CAMKMT: variants seen among roughly 807,000 people sequenced by gnomAD.
CAMKMT encodes calmodulin-lysine N-methyltransferase, also known as CaM KMT.
In CAMKMT, 53 loss-of-function variants were observed where a neutral mutation model predicts 48.0. The ratio of observed to expected loss-of-function variants is 1.10; its 90% CI spans 0.89 to 1.39. The LOEUF is 1.39. CAMKMT is among the 40% of genes most tolerant of loss of function. CAMKMT has a pLI of 0.00. For synonymous variants in CAMKMT, 165 were observed against 152.3 expected (o/e 1.08, Z -0.61); for missense variants, 428 against 402.7 (o/e 1.06, Z -0.54).
chr2:44,640,066 T>G (rs1673365333), intron 3 of CAMKMT, among the ~76,000 whole-genome samples: 1 of 152,150 alleles, frequency 6.6e-6, no homozygotes, highest in African/African-American at 2.4e-5. Context: ...TGTGGAACAC[T>G]TATCCTTGCA....
chr2:44,540,658 G>T (rs1667049268), intron 3 of CAMKMT, among the ~76,000 whole-genome samples: 1 of 152,100 alleles, frequency 6.6e-6, no homozygotes, highest in African/African-American at 2.4e-5. Flanking sequence ...GGCTGAGGTG[G>T]GAGGAACGCT....
At chr2:44,493,514 G>C (rs1309464195) in intron 3 of CAMKMT, among the ~76,000 whole-genome samples, 4 of 151,982 alleles carry the variant, frequency 2.6e-5, no homozygotes, top group African/African-American at 4.8e-5. Flanking sequence ...AACTATTGAT[G>C]GTTTAAAAAA....
intron 3 of CAMKMT, among the ~76,000 whole-genome samples, chr2:44,617,186 C>T (rs1251185501): frequency 6.6e-6 from 1 of 152,222 alleles, no homozygotes; most frequent in African/African-American, 2.4e-5. Context: ...AATTCATCTG[C>T]TATGTGGTGA....
intron 3 of CAMKMT, among the ~76,000 whole-genome samples, chr2:44,440,012 A>G (rs962602937): frequency 6.6e-6 from 1 of 152,198 alleles, no homozygotes; most frequent in African/African-American, 2.4e-5. Flanking sequence ...ATCTTTTCTG[A>G]CAGTGCCTCC....
intron 3 of CAMKMT, among the ~76,000 whole-genome samples, chr2:44,405,745 C>T (rs1350838135): frequency 1.3e-5 from 2 of 151,956 alleles, no homozygotes; most frequent in Admixed American, 6.6e-5. Context: ...AAGTGATATG[C>T]ATAAGAAACT....
chr2:44,545,529 C>G (rs150912217), intron 3 of CAMKMT, among the ~76,000 whole-genome samples: 173 of 152,088 alleles, frequency 1.1e-3, no homozygotes, highest in African/African-American at 3.9e-3. Flanking sequence ...AGTACACATG[C>G]AGTTTTTGTT....
intron 3 of CAMKMT, among the ~76,000 whole-genome samples, chr2:44,507,239 G>A (rs1386990727): frequency 6.6e-6 from 1 of 152,152 alleles, no homozygotes; most frequent in African/African-American, 2.4e-5. Flanking sequence ...CCTTGCTTCA[G>A]TAAATTCTTT....
At chr2:44,572,903 A>G (rs774964496) in intron 3 of CAMKMT, among the ~76,000 whole-genome samples, 1 of 152,212 alleles carries the variant, frequency 6.6e-6, no homozygotes, top group Admixed American at 6.5e-5. Flanking sequence ...TCCCACCAGC[A>G]GAGCACAAGG....
At chr2:44,372,685 CA>C in intron 1 of CAMKMT, 30 bp from the exon 2 acceptor site, 1 of 1,595,840 alleles carries the variant, frequency 6.3e-7, no homozygotes, top group African/African-American at 1.4e-5. Context: ...GTTTAGATAA[CA>C]TGACTGCAAT....
At chr2:44,446,789 C>T (rs2104579155) in intron 3 of CAMKMT, among the ~76,000 whole-genome samples, 1 of 152,338 alleles carries the variant, frequency 6.6e-6, no homozygotes, top group Non-Finnish European at 1.5e-5. Flanking sequence ...GCATTGAGGC[C>T]TTTCATCATC....
intron 3 of CAMKMT, among the ~76,000 whole-genome samples, chr2:44,601,172 G>T (rs1446267862): frequency 6.6e-6 from 1 of 152,002 alleles, no homozygotes; most frequent in African/African-American, 2.4e-5. Flanking sequence ...TACTCTTTTA[G>T]AAAAAGTCAT....
intron 3 of CAMKMT, among the ~76,000 whole-genome samples, chr2:44,533,383 T>A (rs1249143492): frequency 6.6e-6 from 1 of 151,562 alleles, no homozygotes; most frequent in African/African-American, 2.4e-5. Context: ...GGATTACAGG[T>A]GCCCACCACC....
chr2:44,646,342 T>C (rs764796661), intron 3 of CAMKMT, among the ~76,000 whole-genome samples: 15 of 151,802 alleles, frequency 9.9e-5, no homozygotes, highest in Non-Finnish European at 1.8e-4. Context: ...TCAAAAACAA[T>C]ATTGAATTCT....
intron 3 of CAMKMT, among the ~76,000 whole-genome samples, chr2:44,611,044 T>G (rs973051383): frequency 5.3e-5 from 8 of 152,136 alleles, no homozygotes; most frequent in African/African-American, 1.9e-4. Flanking sequence ...CCAGGGAGGA[T>G]AATAGTCTCA....
intron 3 of CAMKMT, among the ~76,000 whole-genome samples, chr2:44,467,583 AACTC>A (rs1363375421): frequency 6.6e-6 from 1 of 151,968 alleles, no homozygotes; most frequent in African/African-American, 2.4e-5. Flanking sequence ...AACAAACAAA[AACTC>A]ACCACCACCA....
intron 4 of CAMKMT, chr2:44,705,180 C>A: frequency 5.8e-6 from 1 of 173,656 alleles, no homozygotes; most frequent in Non-Finnish European, 1.1e-5. Flanking sequence ...ACCAACCAGT[C>A]TACAATTGCT....
intron 3 of CAMKMT, among the ~76,000 whole-genome samples, chr2:44,678,960 T>G (rs1439400729): frequency 6.6e-6 from 1 of 152,196 alleles, no homozygotes; most frequent in Non-Finnish European, 1.5e-5. Flanking sequence ...TACATTGAGT[T>G]GAAAATCCCC....
At chr2:44,398,937 T>C (rs1418556175) in intron 3 of CAMKMT, among the ~76,000 whole-genome samples, 1 of 152,234 alleles carries the variant, frequency 6.6e-6, no homozygotes, top group African/African-American at 2.4e-5. Context: ...CTCTGAACTT[T>C]TACTCTCCAC....
At chr2:44,510,024 C>A (rs139431394) in intron 3 of CAMKMT, among the ~76,000 whole-genome samples, 3 of 152,138 alleles carry the variant, frequency 2.0e-5, no homozygotes, top group African/African-American at 7.2e-5. Context: ...AATACTTTTC[C>A]CCTGGCTTCC....
Sources: gnomAD v4.1 joint callset for allele counts (sites outside exome capture counted in the v4.1 genomes callset) on GRCh38, gnomAD v4.1.1 for gene constraint, MANE v1.5 for transcripts, NCBI Gene and HGNC (gene_info 2026-07-23, HGNC 2026-07-21) for gene names.